The following ZNF454 variants were observed in gnomAD, a reference collection of about 807,000 sequenced individuals.
The protein encoded by ZNF454 is zinc finger protein 454.
Under a neutral mutation model 48.2 loss-of-function variants are expected in ZNF454, and 30 were observed. The observed-to-expected ratio is 0.62, with a 90% CI of 0.47 to 0.84. The LOEUF is 0.84. Ranked by LOEUF, ZNF454 falls within the 40% of genes least tolerant of loss-of-function variation. The pLI is 0.00. For missense variants in ZNF454, 510 were observed against 623.1 expected (o/e 0.82, Z 1.93); for synonymous variants, 204 against 211.4 (o/e 0.97, Z 0.30).
In ZNF454 at chr5:178,965,960, T is replaced by C. The variant is rs768634665; in HGVS notation, c.1556T>C (p.Ile519Thr). ...ANLIQHQRHHIGEK is the reference protein window; with the variant it reads ...ANLIQHQRHHTGEK ...CTCATTCAGCATCAGAGACATCATA[T>C]TGGAGAGAAGTGATATGAATGCAGT... The change falls in exon 5 of 5, where the codon ATT becomes ACT. Residue 519 changes from isoleucine to threonine, a missense_variant. Physicochemically the swap from Ile to Thr is moderately conservative, Grantham distance 89. Transcript: ENST00000519564. This position sits in a 1 kb window ranked among gnomAD's most constrained non-coding sequence, Gnocchi z 5.2. 1.9e-6 allele frequency: 3 copies of C among 1,577,488 alleles called. No homozygotes were observed. The highest frequency in any genetic ancestry group is 2.3e-5 in the South Asian group (2 of 85,282).
chr5:178,985,717 A>AAC, the ZNF454 span: 42 of 419,744 alleles, frequency 1.0e-4, 2 homozygotes, highest in South Asian at 3.5e-4. Flanking sequence ...AAAAAAAACA[A>AAC]AACAACACAG....
chr5:178,950,357 C>T (rs953347363), intron 4 of ZNF454, among the ~76,000 whole-genome samples: 5 of 152,282 alleles, frequency 3.3e-5, no homozygotes, highest in African/African-American at 1.2e-4. Context: ...ATCCTTATAA[C>T]CTGTGAGGCA....
intron 2 of ZNF454, 49 bp downstream of exon 2, chr5:178,942,873 G>A (rs776670789): frequency 3.3e-5 from 53 of 1,590,526 alleles, no homozygotes; most frequent in Middle Eastern, 1.7e-4. Flanking sequence ...TTTGAAGAGT[G>A]TGGCATGTTT....
rs949729648 is a variant in ZNF454, at chr5:178,946,015, C to A, written c.34-344C>A. 6.6e-6 allele frequency among the ~76,000 whole-genome samples: 1 copy of A among 151,986 alleles called. No homozygotes were observed. The highest frequency in any genetic ancestry group is 1.5e-5 in the Non-Finnish European group (1 of 67,982). On this transcript the variant is annotated intron_variant, in intron 2 of 4. Transcript: ENST00000519564. This position sits in a 1 kb window ranked among gnomAD's most constrained non-coding sequence, Gnocchi z 4.5. ...TGAGCCGTGTCTATGCTGAGACCTG[C>A]GTAGGATTTGGTCCCCTGGGGTGAG...
intron 2 of ZNF454, among the ~76,000 whole-genome samples, chr5:178,945,536 G>A (rs1231470058): frequency 1.3e-5 from 2 of 149,558 alleles, no homozygotes; most frequent in Admixed American, 6.7e-5. Flanking sequence ...GGGGGGTGTG[G>A]GTATGGGTCT....
At chr5:178,951,242 T>G (rs549142160) in intron 4 of ZNF454, among the ~76,000 whole-genome samples, 1 of 152,244 alleles carries the variant, frequency 6.6e-6, no homozygotes, top group South Asian at 2.1e-4. Flanking sequence ...ATAAAATAAA[T>G]TTATTTTGAA....
the ZNF454 span, chr5:178,985,981 C>G: frequency 1.4e-6 from 1 of 711,588 alleles, no homozygotes; most frequent in Non-Finnish European, 2.4e-6. Context: ...AGGCTGGTCT[C>G]GAACTCCTGG....
rs763011848 is a variant in ZNF454 at position 178,941,480 on chromosome 5, G to A, written c.-108+36G>A. ...GATTTGATCCCAGAGAGGGAGGACG[G>A]CCAGGGGTGGTCATCCTGGGCTGAG... is the stretch of plus-strand genomic sequence containing the variant. On this transcript the variant is annotated intron_variant, in intron 1 of 4. Coordinates refer to ENST00000519564, the MANE Select transcript of ZNF454 (RefSeq NM_001178089.3). This position sits in a 1 kb window ranked among gnomAD's most constrained non-coding sequence, Gnocchi z 5.5. 7 of 456,602 alleles carry A rather than the reference G, an allele frequency of 1.5e-5. No individual in the cohort carries two copies. The East Asian group carries it at 2.1e-4, about 14-fold the overall frequency. The allele number at this position is 456,602 out of a possible 1,614,324, so 28.3% of individuals were successfully genotyped here.
Position 178,941,350 on chromosome 5 carries a change from G to A in ZNF454, c.-202G>A, listed in dbSNP as rs76916092. ...GAGGGAGAGCGGGAGCGGTCGTGAGGTCGTCTGGGGAGAAGGGCGGAGGCA... is the reference window on the plus strand; with the variant it reads ...GAGGGAGAGCGGGAGCGGTCGTGAGATCGTCTGGGGAGAAGGGCGGAGGCA... On this transcript the variant is annotated 5_prime_UTR_variant, in exon 1 of 5. Transcript: ENST00000519564. This position sits in a 1 kb window ranked among gnomAD's most constrained non-coding sequence, Gnocchi z 5.5. The A allele has an allele frequency of 2.0e-3, 912 of 453,894 alleles. 3 individuals carry two copies. Among genetic ancestry groups the A allele is most frequent in the Middle Eastern group, 9.1e-3 (28 of 3,074 alleles). The allele number at this position is 453,894 out of a possible 1,614,324, so 28.1% of individuals were successfully genotyped here.
chr5:178,949,404 C>G (rs1210208504), intron 4 of ZNF454, among the ~76,000 whole-genome samples: 1 of 151,874 alleles, frequency 6.6e-6, no homozygotes, highest in Non-Finnish European at 1.5e-5. Flanking sequence ...CTTCAATCCT[C>G]CTACCTCAGC....
chr5:178,985,573 G>T, the ZNF454 span: 27 of 338,774 alleles, frequency 8.0e-5, no homozygotes, highest in Non-Finnish European at 1.4e-4. Flanking sequence ...CGTGGTGGCG[G>T]GCGCCTGTAG....
the ZNF454 span, chr5:178,983,580 G>T: frequency 2.3e-6 from 1 of 435,636 alleles, no homozygotes; most frequent in Non-Finnish European, 4.6e-6. Context: ...AAGGTAGATG[G>T]ATGTGGCCGG....
the ZNF454 span, among the ~76,000 whole-genome samples, chr5:178,972,229 T>C: frequency 6.6e-6 from 1 of 152,174 alleles, no homozygotes; most frequent in Non-Finnish European, 1.5e-5. Context: ...CCACCGCACC[T>C]GGCTAAAATA....
At chr5:178,973,109 T>TCC in the ZNF454 span, among the ~76,000 whole-genome samples, 5 of 149,944 alleles carry the variant, frequency 3.3e-5, no homozygotes, top group East Asian at 5.9e-4. Context: ...CTTCCTTCCT[T>TCC]TTGCTGTCTC....
chr5:178,989,117 C>G, the ZNF454 span: 3 of 1,613,988 alleles, frequency 1.9e-6, no homozygotes, highest in East Asian at 6.7e-5. Context: ...GGTGGAGTCC[C>G]GGCCGATGCG....
downstream of ZNF454, chr5:178,969,585 T>C (rs921713658): frequency 1.3e-5 from 6 of 456,776 alleles, no homozygotes; most frequent in African/African-American, 1.2e-4. Context: ...TCTTCACACG[T>C]CCAGCCTGCG....
chr5:178,967,742 C>CTTTTTTT (rs10694687), downstream of ZNF454, among the ~76,000 whole-genome samples: 69 of 129,490 alleles, frequency 5.3e-4, no homozygotes, highest in South Asian at 1.3e-3. Context: ...TTTTCTTTTT[C>CTTTTTTT]TTTTTTTTTT....
In ZNF454 at chr5:178,944,436, A is replaced by G. The variant is rs1235931348; in HGVS notation, c.33+1612A>G. Among the ~76,000 whole-genome samples the G allele has an allele frequency of 3.9e-5, 6 of 152,236 alleles. No homozygotes were observed. Among genetic ancestry groups the G allele is most frequent in the Admixed American group, 3.9e-4 (6 of 15,284 alleles). On this transcript the variant is annotated intron_variant, in intron 2 of 4. Transcript: ENST00000519564. The surrounding 1 kb of genome is among the most constrained non-coding windows in gnomAD (Gnocchi z 4.1). ...TTGATTTGGTTGCCATTCAGCAGAC[A>G]TATGTTAGGGCTGTAAAATGTGCCA...
At chr5:178,945,643 G>GTT (rs1382022856) in intron 2 of ZNF454, among the ~76,000 whole-genome samples, 3 of 146,000 alleles carry the variant, frequency 2.1e-5, no homozygotes, top group Non-Finnish European at 4.5e-5. Context: ...GTGTGTGTGT[G>GTT]TATGTGGAAG....
Sources: allele counts gnomAD v4.1 joint callset (sites outside exome capture counted in the v4.1 genomes callset), GRCh38; gene constraint gnomAD v4.1.1; non-coding constraint Gnocchi (gnomAD v3.1); transcripts MANE v1.5; gene names NCBI Gene and HGNC (gene_info 2026-07-23, HGNC 2026-07-21).